ITPR1: variants seen among roughly 807,000 people sequenced by gnomAD.
ITPR1 encodes the protein inositol 1,4,5-trisphosphate-gated calcium channel ITPR1.
In ITPR1, 96 loss-of-function variants were observed where a neutral mutation model predicts 318.4. That is an observed-to-expected ratio of 0.30 (90% confidence interval 0.26 to 0.36). The LOEUF (loss-of-function observed/expected upper bound fraction) is 0.36, where lower values mean the gene tolerates loss of function less well. ITPR1 is among the 10% of genes least tolerant of loss of function. The probability of loss-of-function intolerance (pLI) is 1.00; values close to 1 mark genes in which losing one functional copy is unlikely to be tolerated. For missense variants in ITPR1, 2,440 were observed against 3,460.2 expected (o/e 0.71, Z 7.40); for synonymous variants, 1,312 against 1,289.9 (o/e 1.02, Z -0.37).
At chr3:4,721,134 ATT>A (rs34253906) in intron 40 of ITPR1, among the ~76,000 whole-genome samples, 1 of 142,376 alleles carries the variant, frequency 7.0e-6, no homozygotes. Flanking sequence ...ATTTATATAT[ATT>A]TATATATGTC....
chr3:4,636,079 C>G (rs965625453), intron 5 of ITPR1, among the ~76,000 whole-genome samples: 1 of 151,738 alleles, frequency 6.6e-6, no homozygotes, highest in African/African-American at 2.4e-5. Flanking sequence ...AGGCTGGTCT[C>G]GAACTCCCGA....
At chr3:4,654,967 C>T (rs1307344550) in intron 12 of ITPR1, among the ~76,000 whole-genome samples, 2 of 152,126 alleles carry the variant, frequency 1.3e-5, no homozygotes, top group Non-Finnish European at 2.9e-5. Flanking sequence ...TCCTTTTTTT[C>T]ATCCTTGTCA....
At chr3:4,723,524 T>C (rs369645320) in intron 40 of ITPR1, among the ~76,000 whole-genome samples, 29 of 152,050 alleles carry the variant, frequency 1.9e-4, no homozygotes, top group African/African-American at 6.5e-4. Context: ...ACAGAGGAAA[T>C]AGTGTGTCAG....
At chr3:4,509,315 T>C (rs1427209581) in intron 2 of ITPR1, among the ~76,000 whole-genome samples, 3 of 152,230 alleles carry the variant, frequency 2.0e-5, no homozygotes, top group African/African-American at 7.2e-5. Flanking sequence ...CCAAGCCATT[T>C]TGGACATGTG....
chr3:4,803,804 T>TA (rs2048388138), intron 54 of ITPR1, among the ~76,000 whole-genome samples: 2 of 152,208 alleles, frequency 1.3e-5, no homozygotes, highest in African/African-American at 4.8e-5. Flanking sequence ...GATAATTAAT[T>TA]ACCATTTACA....
intron 7 of ITPR1, among the ~76,000 whole-genome samples, chr3:4,643,588 A>T (rs568977398): frequency 2.8e-5 from 2 of 70,432 alleles, no homozygotes; most frequent in East Asian, 8.7e-4. Context: ...AATGATAAGT[A>T]TTGTTTTTTT....
intron 31 of ITPR1, among the ~76,000 whole-genome samples, chr3:4,689,063 G>A (rs995348184): frequency 6.6e-6 from 1 of 152,174 alleles, no homozygotes; most frequent in Admixed American, 6.5e-5. Context: ...TAAATGTATT[G>A]TAGGTTTTGT....
chr3:4,790,145 A>G (rs2047461990), intron 52 of ITPR1, among the ~76,000 whole-genome samples: 1 of 152,194 alleles, frequency 6.6e-6, no homozygotes, highest in Non-Finnish European at 1.5e-5. Context: ...GAGATGAGAT[A>G]TCTCCTTATC....
intron 4 of ITPR1, among the ~76,000 whole-genome samples, chr3:4,567,603 G>GTT (rs60589063): frequency 0.019 from 2,623 of 140,754 alleles, 30 homozygotes; most frequent in Non-Finnish European, 0.031. Flanking sequence ...GCTTGAGCTA[G>GTT]TTTTTTTTGG....
At chr3:4,778,767 A>G (rs949788889) in intron 48 of ITPR1, among the ~76,000 whole-genome samples, 2 of 152,218 alleles carry the variant, frequency 1.3e-5, no homozygotes, top group Non-Finnish European at 2.9e-5. Context: ...GCCCTGCGAT[A>G]GCATGATACC....
rs764544951 is a variant in ITPR1, at chr3:4,676,621, C to T, written c.2787C>T (p.Asn929=). 24 of 1,613,206 alleles carry T rather than the reference C, an allele frequency of 1.5e-5. No homozygotes were observed. In the East Asian group the frequency reaches 2.2e-4, roughly 15 times the overall value. ...NNDVEKLKSS[N]VMRSIHGVGE... is the part of the protein sequence containing the mutation. Reference sequence around the variant, plus strand: ...TCTCCTGGCCTTTCCTAGGCAGTAACGTGATGAGATCTATTCATGGCGTGG... The same window carrying T: ...TCTCCTGGCCTTTCCTAGGCAGTAATGTGATGAGATCTATTCATGGCGTGG... Residue 929 remains asparagine (N), a synonymous_variant, in exon 24 of 62, where the codon AAC becomes AAT. Coordinates refer to ENST00000649015, the MANE Select transcript of ITPR1 (RefSeq NM_001378452.1).
intron 4 of ITPR1, among the ~76,000 whole-genome samples, chr3:4,535,790 A>G (rs1318315268): frequency 1.3e-5 from 2 of 152,040 alleles, no homozygotes; most frequent in Admixed American, 1.3e-4. Context: ...TAAAGCAACT[A>G]ATTTCTAGAC....
intron 37 of ITPR1, among the ~76,000 whole-genome samples, chr3:4,708,326 T>G (rs2094801298): frequency 6.6e-6 from 1 of 152,200 alleles, no homozygotes; most frequent in South Asian, 2.1e-4. Context: ...TGTTAAACAC[T>G]TAAACGTGCA....
chr3:4,788,882 G>A (rs2047371141), intron 52 of ITPR1, among the ~76,000 whole-genome samples: 1 of 152,198 alleles, frequency 6.6e-6, no homozygotes, highest in Non-Finnish European at 1.5e-5. Flanking sequence ...TCCAGCTATA[G>A]TTGTGACGTG....
At chr3:4,727,063 A>T (rs531785865) in intron 41 of ITPR1, 63 bp from the exon 42 acceptor site, 19 of 1,227,638 alleles carry the variant, frequency 1.5e-5, no homozygotes, top group Middle Eastern at 1.9e-4. Context: ...TATGTGACTG[A>T]TGCTGCAGAT....
chr3:4,830,204 GACCTCAGGTGATCCGTCC>G (rs1454133857), intron 60 of ITPR1, among the ~76,000 whole-genome samples: 3 of 151,882 alleles, frequency 2.0e-5, no homozygotes, highest in Non-Finnish European at 4.4e-5. Context: ...TCGAACTCCT[GACCTCAGGTGATCCGTCC>G]ACCTCAGCCT....
At chr3:4,659,299 A>G (rs2093781238) in intron 13 of ITPR1, among the ~76,000 whole-genome samples, 1 of 152,240 alleles carries the variant, frequency 6.6e-6, no homozygotes, top group African/African-American at 2.4e-5. Context: ...AGATGGGATC[A>G]TAAGCTATTT....
intron 24 of ITPR1, among the ~76,000 whole-genome samples, chr3:4,679,170 G>T (rs2094246974): frequency 6.6e-6 from 1 of 152,214 alleles, no homozygotes; most frequent in African/African-American, 2.4e-5. Context: ...AGGCGCTGAT[G>T]ATCAGGCAAC....
chr3:4,627,946 A>G (rs2092892933), intron 5 of ITPR1, 68 bp downstream of exon 5: 1 of 922,786 alleles, frequency 1.1e-6, no homozygotes, highest in Non-Finnish European at 1.7e-6. Flanking sequence ...TCTGGGTGTA[A>G]TGGTGGGAGA....
Sources: gnomAD v4.1 joint callset for allele counts (sites outside exome capture counted in the v4.1 genomes callset) on GRCh38, gnomAD v4.1.1 for gene constraint, MANE v1.5 for transcripts, NCBI Gene and HGNC (gene_info 2026-07-23, HGNC 2026-07-21) for gene names.